Variants in NUP210 observed in about 807,000 individuals in gnomAD.
NUP210 encodes the protein nucleoporin 210.
A neutral mutation model predicts 196.0 loss-of-function variants in NUP210; 151 were observed. That is an observed-to-expected ratio of 0.77 (90% CI 0.67 to 0.88). The LOEUF (loss-of-function observed/expected upper bound fraction) is 0.88. NUP210 is among the 40% of genes least tolerant of loss of function. The pLI is 0.00. For missense variants in NUP210, 2,314 were observed against 2,493.7 expected, an observed-to-expected ratio of 0.93 and a Z score of 1.53; for synonymous variants, 1,070 against 1,052.7, an observed-to-expected ratio of 1.02 and a Z score of -0.32.
intron 1 of NUP210, among the ~76,000 whole-genome samples, 165 bp from the exon 2 acceptor site, chr3:13,400,026 C>T (rs1461036247): frequency 6.6e-6 from 1 of 152,204 alleles, no homozygotes; most frequent in African/African-American, 2.4e-5. Flanking sequence ...AGACGTGGGG[C>T]CCTGCCAAGG....
chr3:13,418,656 C>T (rs1010884480), intron 1 of NUP210, among the ~76,000 whole-genome samples: 9 of 151,940 alleles, frequency 5.9e-5, no homozygotes, highest in Non-Finnish European at 1.2e-4. Flanking sequence ...GGTGTTGTGG[C>T]GGGCGCCTGT....
At chr3:13,343,652 T>C (rs1226977136) in intron 20 of NUP210, among the ~76,000 whole-genome samples, 1 of 152,190 alleles carries the variant, frequency 6.6e-6, no homozygotes. Context: ...GTCAGCAGCC[T>C]TGGGACGTGC....
chr3:13,367,588 C>G (rs1250432754), intron 13 of NUP210, among the ~76,000 whole-genome samples: 1 of 152,140 alleles, frequency 6.6e-6, no homozygotes, highest in African/African-American at 2.4e-5. Flanking sequence ...GGTATTTGGC[C>G]TTTCCCTAAA....
At chr3:13,392,854 C>T (rs922689948) in intron 3 of NUP210, among the ~76,000 whole-genome samples, 22 of 151,764 alleles carry the variant, frequency 1.4e-4, no homozygotes, top group African/African-American at 9.7e-5. Flanking sequence ...TCCACCTTCT[C>T]GGGGAAGAGC....
chr3:13,369,278 G>C (rs780309836), intron 13 of NUP210, among the ~76,000 whole-genome samples: 4 of 152,054 alleles, frequency 2.6e-5, no homozygotes, highest in Non-Finnish European at 4.4e-5. Context: ...TTGGGTTATT[G>C]GTGTTATTGC....
At chr3:13,356,372 T>C (rs1283006380) in intron 16 of NUP210, among the ~76,000 whole-genome samples, 2 of 152,192 alleles carry the variant, frequency 1.3e-5, no homozygotes, top group South Asian at 2.1e-4. Context: ...TGGCCAGGCA[T>C]GGTGGCTCAC....
At chr3:13,415,461 G>A (rs1476192694) in intron 1 of NUP210, among the ~76,000 whole-genome samples, 1 of 152,194 alleles carries the variant, frequency 6.6e-6, no homozygotes. Context: ...ACCAAAGCCT[G>A]TGACTCTAAG....
rs576985663 is a variant in NUP210, at chr3:13,343,222, C to T, written c.2917G>A (p.Val973Ile). The T allele has an allele frequency of 4.0e-5, 65 of 1,614,130 alleles. No homozygotes were observed. Among genetic ancestry groups the T allele is most frequent in the Middle Eastern group, 3.3e-4 (2 of 6,062 alleles). The change falls in exon 21 of 40, where the codon GTT (valine) becomes ATT (isoleucine). Residue 973 changes from valine (V) to isoleucine (I), a missense_variant. By Grantham distance (29) the Val-to-Ile change is conservative (BLOSUM62 3). Transcript: ENST00000254508. ...AGCTCCTGAATGTCCGACACGTAAA[C>T]GACAGCCTTGGCTGGGGCCGGGAAG... ...LVFPAPAKAV[V>I]YVSDIQELYI...
At chr3:13,356,895 A>C (rs546719925) in intron 16 of NUP210, among the ~76,000 whole-genome samples, 1 of 152,382 alleles carries the variant, frequency 6.6e-6, no homozygotes, top group African/African-American at 2.4e-5. Flanking sequence ...ACAGACCAGG[A>C]CCAATCCAGC....
In NUP210 at chr3:13,345,982, C is replaced by A. The variant is rs144445449; in HGVS notation, c.2836-2679G>T. ...AAGAAATTCCATAGTGCACCGACTG[C>A]GGAGCCCCACGCAGGGCAACACAGG... is the stretch of plus-strand genomic sequence containing the variant. On this transcript the variant is annotated intron_variant, in intron 20 of 39. Transcript: ENST00000254508. Among the ~76,000 whole-genome samples, 20 of 152,352 alleles carry A rather than the reference C, an allele frequency of 1.3e-4. No individual in the cohort carries two copies. The East Asian group carries it at 3.7e-3, about 28-fold the overall frequency.
chr3:13,334,689 C>A (rs1442658422), intron 28 of NUP210, among the ~76,000 whole-genome samples: 1 of 152,138 alleles, frequency 6.6e-6, no homozygotes, highest in Non-Finnish European at 1.5e-5. Flanking sequence ...CCCTTGAAGA[C>A]AAAAATGCTC....
Position 13,386,419 on chromosome 3 carries a change from G to C in NUP210, c.685-12C>G, listed in dbSNP as rs1180016594. ...GCAGGGCGTACATTCTTGGCATAAAGAAAAGGCAGACAAAGTGAGGTGCGG... is the reference window on the plus strand; with the variant it reads ...GCAGGGCGTACATTCTTGGCATAAACAAAAGGCAGACAAAGTGAGGTGCGG... On this transcript the variant is annotated splice_polypyrimidine_tract_variant and intron_variant, in intron 5 of 39. Coordinates refer to ENST00000254508, the MANE Select transcript of NUP210 (RefSeq NM_024923.4). 6.2e-7 allele frequency: 1 copy of C among 1,613,890 alleles called. No homozygotes were observed. The highest frequency in any genetic ancestry group is 8.5e-7 in the Non-Finnish European group (1 of 1,179,942).
intron 34 of NUP210, among the ~76,000 whole-genome samples, chr3:13,322,603 GC>G (rs1696585944): frequency 6.6e-6 from 1 of 152,266 alleles, no homozygotes; most frequent in East Asian, 1.9e-4. Flanking sequence ...GCATCCAGGG[GC>G]ACGGCAGACG....
rs1312698497 is a variant in NUP210 at position 13,340,296 on chromosome 3, G to A, written c.3231C>T (p.Val1077=). 3 of 1,613,236 alleles carry A rather than the reference G, an allele frequency of 1.9e-6. No homozygotes were observed. Among genetic ancestry groups the A allele is most frequent in the Non-Finnish European group, 1.7e-6 (2 of 1,179,994 alleles). The stretch of plus-strand genomic sequence containing the variant: ...TGGGCATCAGCCTGAACGGGGGAAA[G>A]ACCTGTTGAGAGACACAGGAGAGAA... ...RINSAPQQIE[V]FPPFRLMPRK... Residue 1077 remains valine, a splice_region_variant and synonymous_variant, in exon 24 of 40, where the codon GTC becomes GTT. Coordinates refer to ENST00000254508, the MANE Select transcript of NUP210 (RefSeq NM_024923.4). This position sits in a 1 kb window ranked among gnomAD's most constrained non-coding sequence, Gnocchi z 4.0.
intron 20 of NUP210, among the ~76,000 whole-genome samples, chr3:13,345,362 C>T (rs1210377147): frequency 6.6e-6 from 1 of 152,230 alleles, no homozygotes; most frequent in Non-Finnish European, 1.5e-5. Flanking sequence ...AAAGGCAGAG[C>T]TGGGGATAGA....
At chr3:13,415,416 A>G (rs1436896607) in intron 1 of NUP210, among the ~76,000 whole-genome samples, 7 of 152,158 alleles carry the variant, frequency 4.6e-5, no homozygotes, top group African/African-American at 1.7e-4. Flanking sequence ...ACTGCCAGAA[A>G]TGCCATCAAA....
At chr3:13,345,248 C>T in intron 20 of NUP210, 2 of 985,156 alleles carry the variant, frequency 2.0e-6, no homozygotes, top group Non-Finnish European at 2.4e-6. Flanking sequence ...CTGCAACCCT[C>T]ATGGACCTTC....
Position 13,365,932 on chromosome 3 carries a change from G to C in NUP210, c.1932+14C>G, listed in dbSNP as rs1698513862. On this transcript the variant is annotated intron_variant, in intron 14 of 39. Transcript: ENST00000254508. ...TGGGCAGGGGGGTGGTAAAGGGCAG[G>C]GCCCCTGGCTCACCTTGAGGGGCAG... 6.2e-7 allele frequency: 1 copy of C among 1,613,648 alleles called. No individual in the cohort carries two copies. Among genetic ancestry groups the C allele is most frequent in the African/African-American group, 1.3e-5 (1 of 74,926 alleles).
intron 27 of NUP210, among the ~76,000 whole-genome samples, chr3:13,336,336 C>G (rs1462476620): frequency 6.6e-6 from 1 of 152,212 alleles, no homozygotes; most frequent in Non-Finnish European, 1.5e-5. Flanking sequence ...GGGCAAGTCC[C>G]TTCCCGTTTC....
Sources: allele counts gnomAD v4.1 joint callset (sites outside exome capture counted in the v4.1 genomes callset), GRCh38; gene constraint gnomAD v4.1.1; non-coding constraint Gnocchi (gnomAD v3.1); transcripts MANE v1.5; gene names NCBI Gene and HGNC (gene_info 2026-07-23, HGNC 2026-07-21).